Variants in PFDN1 observed in about 807,000 individuals in gnomAD.
The protein encoded by PFDN1 is prefoldin 1.
Under a neutral mutation model 17.3 loss-of-function variants are expected in PFDN1, and 6 were observed. The ratio of observed to expected loss-of-function variants is 0.35; its 90% CI spans 0.19 to 0.69. The LOEUF (loss-of-function observed/expected upper bound fraction) is 0.69. Ranked by LOEUF, PFDN1 falls within the 30% of genes least tolerant of loss-of-function variation. The pLI is 0.65. For synonymous variants in PFDN1, 58 were observed against 50.1 expected (o/e 1.16, Z -0.67); for missense variants, 113 against 146.2 (o/e 0.77, Z 1.17).
At chr5:140,290,019 G>A (rs920916899) in intron 2 of PFDN1, among the ~76,000 whole-genome samples, 29 of 152,168 alleles carry the variant, frequency 1.9e-4, no homozygotes, top group Non-Finnish European at 3.5e-4. Context: ...ATATATCAAC[G>A]GTTTTCATAT....
At chr5:140,260,790 T>C (rs1483065560) in intron 3 of PFDN1, among the ~76,000 whole-genome samples, 1 of 151,368 alleles carries the variant, frequency 6.6e-6, no homozygotes, top group African/African-American at 2.4e-5. Flanking sequence ...GTGTATTTTA[T>C]GTTATGTGAA....
chr5:140,278,640 G>GC (rs900504746), intron 3 of PFDN1, among the ~76,000 whole-genome samples: 18 of 148,536 alleles, frequency 1.2e-4, no homozygotes, highest in Admixed American at 2.7e-4. Flanking sequence ...ATGAGCACTT[G>GC]CCCCCCCAAC....
At chr5:140,256,885 G>T (rs1416914105) in intron 3 of PFDN1, among the ~76,000 whole-genome samples, 1 of 151,862 alleles carries the variant, frequency 6.6e-6, no homozygotes, top group African/African-American at 2.4e-5. Context: ...GAGGTGTGTC[G>T]TGGACACTCT....
intron 3 of PFDN1, chr5:140,281,105 C>G (rs1765390457): frequency 5.4e-6 from 1 of 184,702 alleles, no homozygotes; most frequent in Admixed American, 5.8e-5. Context: ...CCACCACAAT[C>G]CACTACACAA....
Position 140,259,238 on chromosome 5 carries a change from A to G in PFDN1, c.286-13181T>C, listed in dbSNP as rs189798137. On this transcript the variant is annotated intron_variant, in intron 3 of 3. Transcript: ENST00000261813. ...CTTTAAAAAGTTGAGACCTGACCCT[A>G]ACTCCATGAAGGAAAGCTAGCAGAC... Among the ~76,000 whole-genome samples, 130 of 152,318 alleles carry G rather than the reference A, an allele frequency of 8.5e-4. No homozygotes were observed. The Middle Eastern group carries it at 0.02, about 24-fold the overall frequency.
At chr5:140,280,601 A>G (rs1765384775) in intron 3 of PFDN1, among the ~76,000 whole-genome samples, 2 of 152,210 alleles carry the variant, frequency 1.3e-5, no homozygotes, top group Non-Finnish European at 2.9e-5. Flanking sequence ...TCAGGAGGCT[A>G]CAAGTTGTAG....
At chr5:140,271,837 G>A (rs1035888923) in intron 3 of PFDN1, among the ~76,000 whole-genome samples, 4 of 151,818 alleles carry the variant, frequency 2.6e-5, no homozygotes, top group Admixed American at 1.3e-4. Context: ...ACACAACGTG[G>A]AGAGAAAGAA....
intron 3 of PFDN1, among the ~76,000 whole-genome samples, chr5:140,263,006 GTATT>G (rs1226157172): frequency 2.0e-5 from 3 of 152,324 alleles, no homozygotes; most frequent in African/African-American, 7.2e-5. Context: ...CCCGCATTAA[GTATT>G]TACTGTGTCA....
rs1224802096 is a variant in PFDN1 at position 140,286,612 on chromosome 5, G to C, written c.201-5079C>G. On this transcript the variant is annotated intron_variant, in intron 2 of 3. Transcript: ENST00000261813. ...ATTTTTTTTGCGGGGGGGGGGGGGG[G>C]GGGGGGGGCGGGGGAGACAGTCTTG... 1.3e-4 allele frequency among the ~76,000 whole-genome samples: 7 copies of C among 51,892 alleles called. No homozygotes were observed. The East Asian group carries it at 2.5e-3, about 18-fold the overall frequency. The allele number at this position is 51,892 out of a possible 152,430, so 34.0% of individuals were successfully genotyped here.
At position 140,273,887 on chromosome 5, in the gene PFDN1, G is replaced by A. The variant is rs977869517; in HGVS notation, c.285+7562C>T. ...ATATGCATGTGCCTAAAATATAACAGACTTTAGGTTGAAGGCTGACTTTAG... is the reference window on the plus strand; with the variant it reads ...ATATGCATGTGCCTAAAATATAACAAACTTTAGGTTGAAGGCTGACTTTAG... On this transcript the variant is annotated intron_variant, in intron 3 of 3. Transcript: ENST00000261813. 4 of 984,324 alleles carry A rather than the reference G, an allele frequency of 4.1e-6. No homozygotes were observed. In the African/African-American group the frequency reaches 7.0e-5, roughly 17 times the overall value. 61.0% of individuals were successfully genotyped at this position (984,324 alleles called of 1,614,324 possible). A position where few individuals can be genotyped will look rare whatever the true frequency, so the allele number is the denominator to read the frequency against.
rs933077145 is a variant in PFDN1 at position 140,245,283 on chromosome 5, C to G, written c.*691G>C. The G allele has an allele frequency of 8.8e-6, 5 of 569,178 alleles. No individual in the cohort carries two copies. Among genetic ancestry groups the G allele is most frequent in the Non-Finnish European group, 1.6e-5 (5 of 317,862 alleles). 35.3% of individuals were successfully genotyped at this position (569,178 alleles called of 1,614,324 possible). On this transcript the variant is annotated 3_prime_UTR_variant, in exon 4 of 4. Transcript: ENST00000261813. ...TATGGCGTCCATCTTATGATATTGG[C>G]CAAAAGGAGACAGTCTTGGAGGTGC...
At chr5:140,268,012 T>C (rs189612045) in intron 3 of PFDN1, among the ~76,000 whole-genome samples, 6 of 152,382 alleles carry the variant, frequency 3.9e-5, no homozygotes, top group African/African-American at 1.2e-4. Context: ...TCTGTGTCCA[T>C]TCTGGAAAAA....
chr5:140,289,270 G>GA lies in PFDN1; in HGVS notation c.201-7738dup, dbSNP rs546665837. 4.0e-3 allele frequency among the ~76,000 whole-genome samples: 539 copies of GA among 134,464 alleles called. 1 individual carries two copies. Among genetic ancestry groups the GA allele is most frequent in the Middle Eastern group, 0.027 (7 of 264 alleles). 88.2% of individuals were successfully genotyped at this position (134,464 alleles called of 152,430 possible). On this transcript the variant is annotated intron_variant, in intron 2 of 3. Coordinates refer to ENST00000261813, the MANE Select transcript of PFDN1 (RefSeq NM_002622.5). ...TACTGCATTTCTAGACTGGGAGAAG[G>GA]AAAAAAAAAAAAAGGAGTAAATCTC...
rs149223883 is a variant in PFDN1, at chr5:140,301,338, T to C, written c.34-756A>G. On this transcript the variant is annotated intron_variant, in intron 1 of 3. Transcript: ENST00000261813. ...TTGCATCATGATCTTCATCCACAGATACCAGGCCAAATTTGACCCTTGCGT... is the reference window on the plus strand; with the variant it reads ...TTGCATCATGATCTTCATCCACAGACACCAGGCCAAATTTGACCCTTGCGT... 2.8e-4 allele frequency among the ~76,000 whole-genome samples: 42 copies of C among 152,310 alleles called. 1 individual carries two copies. In the South Asian group the frequency reaches 4.1e-3, roughly 15 times the overall value.
intron 3 of PFDN1, among the ~76,000 whole-genome samples, chr5:140,253,378 G>A (rs759132685): frequency 2.0e-4 from 31 of 152,110 alleles, no homozygotes; most frequent in Middle Eastern, 3.4e-3. Flanking sequence ...AGACGAACCC[G>A]AACCCCTACA....
At chr5:140,272,677 A>G (rs960354624) in intron 3 of PFDN1, among the ~76,000 whole-genome samples, 18 of 152,100 alleles carry the variant, frequency 1.2e-4, no homozygotes, top group African/African-American at 3.9e-4. Flanking sequence ...TATTTTTGAA[A>G]AAGGAAATAA....
At chr5:140,264,269 T>G (rs1165268855) in intron 3 of PFDN1, among the ~76,000 whole-genome samples, 2 of 151,940 alleles carry the variant, frequency 1.3e-5, no homozygotes, top group African/African-American at 4.8e-5. Context: ...CCTCCAACAC[T>G]GGGGATCACA....
chr5:140,275,408 CA>C (rs34009092), intron 3 of PFDN1, among the ~76,000 whole-genome samples: 7,947 of 106,668 alleles, frequency 0.075, 196 homozygotes, highest in Middle Eastern at 0.17. Flanking sequence ...GACTCTGTCT[CA>C]AAAAAAAAAA....
At chr5:140,302,463 A>T (rs1397817064) in intron 1 of PFDN1, among the ~76,000 whole-genome samples, 1 of 152,198 alleles carries the variant, frequency 6.6e-6, no homozygotes, top group East Asian at 1.9e-4. Flanking sequence ...AATTCCTTCA[A>T]AAGAAGGAGG....
Sources: gnomAD v4.1 joint callset for allele counts (sites outside exome capture counted in the v4.1 genomes callset) on GRCh38, gnomAD v4.1.1 for gene constraint, MANE v1.5 for transcripts, NCBI Gene and HGNC (gene_info 2026-07-23, HGNC 2026-07-21) for gene names.